KIF6: variants seen among roughly 807,000 people sequenced by gnomAD.
KIF6 encodes kinesin family member 6.
KIF6 carries 106 observed loss-of-function variants against 112.7 expected under a neutral mutation model. The ratio of observed to expected loss-of-function variants is 0.94; its 90% CI spans 0.80 to 1.11. KIF6 has a LOEUF of 1.11. Among genes scored for constraint, KIF6 ranks in the 50% least tolerant of loss-of-function variants. The pLI is 0.00. For synonymous variants in KIF6, 339 were observed against 339.9 expected, an observed-to-expected ratio of 1.00 and a Z score of 0.03; for missense variants, 929 against 964.0, an observed-to-expected ratio of 0.96 and a Z score of 0.48.
At chr6:39,567,811 G>T (rs537067113) in intron 10 of KIF6, among the ~76,000 whole-genome samples, 97 of 152,234 alleles carry the variant, frequency 6.4e-4, no homozygotes, top group African/African-American at 2.2e-3. Context: ...GTTTCACTGT[G>T]TTAGCCAGGA....
intron 13 of KIF6, among the ~76,000 whole-genome samples, chr6:39,436,281 A>G (rs755588618): frequency 1.5e-4 from 23 of 151,994 alleles, no homozygotes; most frequent in Non-Finnish European, 3.2e-4. Flanking sequence ...TCAGAAGCAT[A>G]GTTTGCAAAT....
intron 22 of KIF6, among the ~76,000 whole-genome samples, chr6:39,337,185 T>TTCTTTCTC (rs1763032896): frequency 2.2e-5 from 2 of 91,428 alleles, no homozygotes; most frequent in African/African-American, 1.5e-4. Context: ...CTTTCTTTCT[T>TTCTTTCTC]TCTTTCTTTC....
At chr6:39,371,149 C>T (rs769010651) in intron 16 of KIF6, among the ~76,000 whole-genome samples, 7 of 152,276 alleles carry the variant, frequency 4.6e-5, no homozygotes, top group East Asian at 1.9e-4. Flanking sequence ...AAAATGTACA[C>T]GATCAGCCCT....
intron 15 of KIF6, among the ~76,000 whole-genome samples, chr6:39,394,406 A>G (rs10484827): frequency 0.036 from 5,512 of 152,338 alleles, 177 homozygotes; most frequent in Non-Finnish European, 0.049. Context: ...GAAAATATTC[A>G]TAACCGAAGT....
intron 13 of KIF6, among the ~76,000 whole-genome samples, chr6:39,519,977 G>A (rs1156808706): frequency 2.6e-5 from 4 of 152,126 alleles, no homozygotes; most frequent in African/African-American, 9.7e-5. Flanking sequence ...ACCCAAGATC[G>A]TGCCACTGCA....
In KIF6 at chr6:39,586,268, T is replaced by G. The variant is rs774704065; in HGVS notation, c.983A>C (p.Asn328Thr). 2.5e-6 allele frequency: 4 copies of G among 1,614,136 alleles called. No individual in the cohort carries two copies. The South Asian group carries it at 4.4e-5, about 18-fold the overall frequency. ...AAAGAAGAGCCCACATACATCAAGA[T>G]TCCTTTTCTCCAAGGAGAGTGTTGC... ...MIATLSLEKR[N>T]LDESISTCRF... Residue 328 changes from asparagine (N) to threonine (T), a missense_variant, in exon 8 of 23, where the codon AAT (asparagine) becomes ACT (threonine). Transcript: ENST00000287152.
chr6:39,478,604 G>A (rs888807495), intron 13 of KIF6, among the ~76,000 whole-genome samples: 1 of 152,032 alleles, frequency 6.6e-6, no homozygotes, highest in Non-Finnish European at 1.5e-5. Context: ...GTTCTTTAAG[G>A]AATCGCCGCA....
chr6:39,340,386 A>G (rs930965023), intron 22 of KIF6, among the ~76,000 whole-genome samples: 1 of 152,214 alleles, frequency 6.6e-6, no homozygotes, highest in Non-Finnish European at 1.5e-5. Flanking sequence ...TGAGGCCGAG[A>G]GAACTCCTGA....
chr6:39,604,947 G>A (rs113083257), intron 6 of KIF6, among the ~76,000 whole-genome samples: 233 of 152,178 alleles, frequency 1.5e-3, no homozygotes, highest in African/African-American at 5.4e-3. Context: ...ACTTCCCTAA[G>A]GGTCATTTCT....
At chr6:39,511,346 C>G (rs192819460) in intron 13 of KIF6, among the ~76,000 whole-genome samples, 293 of 152,274 alleles carry the variant, frequency 1.9e-3, no homozygotes, top group African/African-American at 6.7e-3. Context: ...TAAAAATGCT[C>G]GTCATTACTG....
chr6:39,533,924 C>G (rs1778241079), intron 13 of KIF6, among the ~76,000 whole-genome samples: 1 of 152,192 alleles, frequency 6.6e-6, no homozygotes, highest in African/African-American at 2.4e-5. Context: ...TGTTCTGCAG[C>G]CACCGCTACT....
intron 22 of KIF6, among the ~76,000 whole-genome samples, chr6:39,337,251 T>TCC (rs1763078750): frequency 1.3e-5 from 1 of 79,520 alleles, no homozygotes; most frequent in African/African-American, 5.7e-5. Flanking sequence ...CTTTCTTTTC[T>TCC]TTCCCTCCCT....
chr6:39,466,719 G>A (rs1773808569), intron 13 of KIF6, among the ~76,000 whole-genome samples: 3 of 152,062 alleles, frequency 2.0e-5, no homozygotes. Flanking sequence ...CATTTCTCAT[G>A]ACCCCTATCT....
At chr6:39,519,166 T>G (rs754073422) in intron 13 of KIF6, among the ~76,000 whole-genome samples, 2 of 152,174 alleles carry the variant, frequency 1.3e-5, no homozygotes, top group Non-Finnish European at 1.5e-5. Context: ...TAAATAATAC[T>G]TATATTTCGG....
chr6:39,376,384 G>T (rs971051413), intron 16 of KIF6, among the ~76,000 whole-genome samples: 16 of 152,192 alleles, frequency 1.1e-4, no homozygotes, highest in African/African-American at 3.9e-4. Flanking sequence ...GCTGTGGAGT[G>T]CTAGAGATTC....
intron 12 of KIF6, among the ~76,000 whole-genome samples, chr6:39,543,249 T>C (rs1427132045): frequency 1.3e-5 from 2 of 152,020 alleles, no homozygotes; most frequent in African/African-American, 4.8e-5. Flanking sequence ...GAGCTCAGAC[T>C]GGGGCTGGGG....
At chr6:39,696,630 G>A (rs902813655) in intron 3 of KIF6, among the ~76,000 whole-genome samples, 1 of 151,856 alleles carries the variant, frequency 6.6e-6, no homozygotes, top group Non-Finnish European at 1.5e-5. Flanking sequence ...GAATGTGTGT[G>A]TGTGTGTACA....
intron 15 of KIF6, among the ~76,000 whole-genome samples, chr6:39,407,871 G>T (rs2150348452): frequency 6.6e-6 from 1 of 152,200 alleles, no homozygotes; most frequent in Non-Finnish European, 1.5e-5. Context: ...TCTTCCTTGG[G>T]CCAGTGCTAT....
intron 3 of KIF6, among the ~76,000 whole-genome samples, chr6:39,647,337 C>G (rs755985450): frequency 1.3e-5 from 2 of 152,122 alleles, no homozygotes; most frequent in Non-Finnish European, 2.9e-5. Flanking sequence ...CTTAGTCCCT[C>G]TTATGGTAAT....
Sources: allele counts gnomAD v4.1 joint callset (sites outside exome capture counted in the v4.1 genomes callset), GRCh38; gene constraint gnomAD v4.1.1; transcripts MANE v1.5; gene names NCBI Gene and HGNC (gene_info 2026-07-23, HGNC 2026-07-21).